The following IFT140 variants were observed in gnomAD, a reference collection of about 807,000 sequenced individuals.
IFT140 encodes the protein intraflagellar transport 140, also known as intraflagellar transport protein 140 homolog.
In IFT140, 133 loss-of-function variants were observed where a neutral mutation model predicts 164.6. The ratio of observed to expected loss-of-function variants is 0.81; its 90% CI spans 0.70 to 0.93. The LOEUF (loss-of-function observed/expected upper bound fraction) is 0.93. Among genes scored for constraint, IFT140 ranks in the 40% least tolerant of loss-of-function variants. The pLI, the probability that IFT140 is intolerant of heterozygous loss-of-function variation, is 0.00. For synonymous variants in IFT140, 860 were observed against 817.3 expected (o/e 1.05, Z -0.89); for missense variants, 2,045 against 1,972.3 (o/e 1.04, Z -0.70).
chr16:1,554,166 C>T, intron 19 of IFT140: 3 of 1,274,642 alleles, frequency 2.4e-6, no homozygotes, highest in Non-Finnish European at 3.1e-6. Flanking sequence ...AGACAAGGCC[C>T]TGGCCCCATC....
intron 18 of IFT140, among the ~76,000 whole-genome samples, chr16:1,561,071 G>C (rs978328964): frequency 1.3e-5 from 2 of 152,234 alleles, no homozygotes; most frequent in African/African-American, 4.8e-5. Flanking sequence ...TGGGACGTGA[G>C]TCTGAGCCTT....
chr16:1,517,808 A>G (rs2141132661), intron 30 of IFT140, among the ~76,000 whole-genome samples: 1 of 152,300 alleles, frequency 6.6e-6, no homozygotes, highest in South Asian at 2.1e-4. Flanking sequence ...AGCCAGTAAC[A>G]GCGTGAGACT....
rs369973186 is a variant in IFT140 at position 1,535,322 on chromosome 16, T to C, written c.2400-8526A>G. On this transcript the variant is annotated intron_variant, in intron 19 of 30. Transcript: ENST00000426508. ...CGCACCGTGGGGTTTGAGTGGCAGGTGTGAGGCTGCATAAATAGGAAGGCG... is the reference window on the plus strand; with the variant it reads ...CGCACCGTGGGGTTTGAGTGGCAGGCGTGAGGCTGCATAAATAGGAAGGCG... Among the ~76,000 whole-genome samples the C allele has an allele frequency of 2.6e-5, 4 of 152,110 alleles. No homozygotes were observed. In the South Asian group the frequency reaches 6.2e-4, roughly 24 times the overall value.
At chr16:1,544,636 C>T (rs1184262693) in intron 19 of IFT140, among the ~76,000 whole-genome samples, 1 of 151,808 alleles carries the variant, frequency 6.6e-6, no homozygotes, top group African/African-American at 2.4e-5. Flanking sequence ...AGCTGGATCA[C>T]TGCATTTCTT....
In IFT140 at chr16:1,551,719, C is replaced by T. The variant is rs1329334200; in HGVS notation, c.2399+6216G>A. Among the ~76,000 whole-genome samples, 6 of 152,188 alleles carry T rather than the reference C, an allele frequency of 3.9e-5. No homozygotes were observed. Among genetic ancestry groups the T allele is most frequent in the East Asian group, 1.9e-4 (1 of 5,194 alleles). On this transcript the variant is annotated intron_variant, in intron 19 of 30. Transcript: ENST00000426508. The surrounding 1 kb of genome is among the most constrained non-coding windows in gnomAD (Gnocchi z 4.0). ...AGATCAGCGGCACTTCAGTCTTCTA[C>T]GGGGTTTTGTTGGGAGCTACCTATA...
At chr16:1,518,099 A>C in intron 30 of IFT140, 117 bp downstream of exon 30, 1 of 1,014,246 alleles carries the variant, frequency 9.9e-7, no homozygotes, top group Non-Finnish European at 1.4e-6. Flanking sequence ...CAGCCTCCCA[A>C]AGTGCTGGGA....
chr16:1,572,916 T>A (rs1216942444), intron 13 of IFT140, among the ~76,000 whole-genome samples: 2 of 152,128 alleles, frequency 1.3e-5, no homozygotes, highest in Non-Finnish European at 2.9e-5. Context: ...GCTGAATGCA[T>A]CCTGGGGCCA....
chr16:1,535,215 G>A (rs550125825), intron 19 of IFT140, among the ~76,000 whole-genome samples: 35 of 152,288 alleles, frequency 2.3e-4, no homozygotes, highest in African/African-American at 7.2e-4. Flanking sequence ...CTGGAAAGGA[G>A]ACAGGGAGGC....
In IFT140 at chr16:1,511,010, G is replaced by C. The variant is rs2040124119; in HGVS notation, c.4323C>G (p.His1441Gln). 2 of 1,609,442 alleles carry C rather than the reference G, an allele frequency of 1.2e-6. No individual in the cohort carries two copies. The highest frequency in any genetic ancestry group is 8.5e-7 in the Non-Finnish European group (1 of 1,177,570). ...LPRTVPEQVR[H>Q]NSMEDARELD... The stretch of plus-strand genomic sequence containing the variant: ...GCTCCCTGGCGTCCTCCATGCTGTT[G>C]TGGCGGACCTGCTCGGGGACGGTGC... The change falls in exon 31 of 31, where the codon CAC becomes CAG. Residue 1441 changes from histidine to glutamine, a missense_variant. By Grantham distance (24) the His-to-Gln change is conservative (BLOSUM62 0). Transcript: ENST00000426508.
chr16:1,608,160 G>C (rs1222978551), intron 2 of IFT140, among the ~76,000 whole-genome samples: 1 of 152,162 alleles, frequency 6.6e-6, no homozygotes, highest in African/African-American at 2.4e-5. Flanking sequence ...TCACTTACGT[G>C]AACTTAATCT....
intron 19 of IFT140, among the ~76,000 whole-genome samples, chr16:1,544,610 G>A (rs147664101): frequency 1.6e-3 from 239 of 152,156 alleles, no homozygotes; most frequent in African/African-American, 1.8e-3. Context: ...AATTACAAAC[G>A]TGTGCTACTG....
At position 1,553,652 on chromosome 16, in the gene IFT140, T is replaced by C; in HGVS notation, c.2399+4283A>G. On this transcript the variant is annotated intron_variant, in intron 19 of 30. Coordinates refer to ENST00000426508, the MANE Select transcript of IFT140 (RefSeq NM_014714.4). This position sits in a 1 kb window ranked among gnomAD's most constrained non-coding sequence, Gnocchi z 4.4. ...GGTTACTGTAACAGAGAGGGAGGGG[T>C]GCTGGGTGGGCAGAAGCGGGGCTGG... is the stretch of plus-strand genomic sequence containing the variant. 9.5e-7 allele frequency: 1 copy of C among 1,048,610 alleles called. No homozygotes were observed. The highest frequency in any genetic ancestry group is 1.2e-6 in the Non-Finnish European group (1 of 865,858). 65.0% of individuals were successfully genotyped at this position (1,048,610 alleles called of 1,614,324 possible). A position where few individuals can be genotyped will look rare whatever the true frequency, so the allele number is the denominator to read the frequency against.
chr16:1,575,204 T>TATA (rs552535947), intron 13 of IFT140, among the ~76,000 whole-genome samples: 44 of 148,258 alleles, frequency 3.0e-4, no homozygotes, highest in Admixed American at 2.3e-3. Context: ...TCTACAAAAA[T>TATA]ATAATAATAA....
chr16:1,556,356 G>A (rs1024778350), intron 19 of IFT140, among the ~76,000 whole-genome samples: 12 of 152,210 alleles, frequency 7.9e-5, no homozygotes, highest in Non-Finnish European at 1.0e-4. Flanking sequence ...TACAACCAGC[G>A]CTGCAACCAC....
At position 1,524,154 on chromosome 16, in the gene IFT140, T is replaced by C. The variant is rs1432910224; in HGVS notation, c.3142-198A>G. The stretch of plus-strand genomic sequence containing the variant: ...GATTTTCCGATGCTCTGGGTTCTAT[T>C]TCACAGAGCACTGCAAGAAATACCT... On this transcript the variant is annotated intron_variant, in intron 24 of 30. Transcript: ENST00000426508. 5 of 708,780 alleles carry C rather than the reference T, an allele frequency of 7.1e-6. No homozygotes were observed. In the East Asian group the frequency reaches 8.3e-5, roughly 12 times the overall value. The allele number at this position is 708,780 out of a possible 1,614,324, so 43.9% of individuals were successfully genotyped here.
chr16:1,544,798 G>A (rs911773356), intron 19 of IFT140, among the ~76,000 whole-genome samples: 3 of 150,830 alleles, frequency 2.0e-5, no homozygotes, highest in East Asian at 2.0e-4. Context: ...ACAGGCACCC[G>A]CCACCACGCC....
At position 1,571,410 on chromosome 16, in the gene IFT140, C is replaced by T. The variant is rs762399912; in HGVS notation, c.1649G>A (p.Arg550Gln). The change falls in exon 14 of 31, where the codon CGA (arginine) becomes CAA (glutamine). Residue 550 changes from arginine (R) to glutamine (Q), a missense_variant. Physicochemically the swap from Arg to Gln is conservative, Grantham distance 43. Coordinates refer to ENST00000426508, the MANE Select transcript of IFT140 (RefSeq NM_014714.4). Reference sequence around the variant, plus strand: ...TCTATTTGGAAAAAAAATTTACCTTCGGGAAAGATCAAAGCTTTTAAAGTG... The same window carrying T: ...TCTATTTGGAAAAAAAATTTACCTTTGGGAAAGATCAAAGCTTTTAAAGTG... ...LAHFKSFDLS[R>Q]REAKAHCSCR... The T allele has an allele frequency of 4.3e-5, 70 of 1,609,252 alleles. No homozygotes were observed. The highest frequency in any genetic ancestry group is 1.5e-4 in the Admixed American group (9 of 58,638).
chr16:1,560,322 G>C (rs1368264122), intron 18 of IFT140, among the ~76,000 whole-genome samples: 1 of 152,242 alleles, frequency 6.6e-6, no homozygotes, highest in Non-Finnish European at 1.5e-5. Flanking sequence ...TCTGCTGGCT[G>C]TGCAGCCTGG....
intron 19 of IFT140, chr16:1,540,985 T>C: frequency 3.0e-6 from 3 of 985,358 alleles, no homozygotes; most frequent in Non-Finnish European, 3.6e-6. Context: ...ACCACCTCAT[T>C]TGGGCCCCTG....
Sources: gnomAD v4.1 joint callset for allele counts (sites outside exome capture counted in the v4.1 genomes callset) on GRCh38, gnomAD v4.1.1 for gene constraint, Gnocchi (gnomAD v3.1) non-coding constraint, MANE v1.5 for transcripts, NCBI Gene and HGNC (gene_info 2026-07-23, HGNC 2026-07-21) for gene names.